The following CELF1 variants were observed in gnomAD, a reference collection of about 807,000 sequenced individuals.
CELF1 encodes the protein 50 kDa nuclear polyadenylated RNA-binding protein.
A neutral mutation model predicts 61.8 loss-of-function variants in CELF1; 10 were observed. The observed-to-expected ratio is 0.16, with a 90% CI of 0.10 to 0.27. The LOEUF (loss-of-function observed/expected upper bound fraction) is 0.27, where lower values mean the gene tolerates loss of function less well. Among genes scored for constraint, CELF1 ranks in the 10% least tolerant of loss-of-function variants. The pLI is 1.00. For synonymous variants in CELF1, 236 were observed against 225.1 expected, an observed-to-expected ratio of 1.05 and a Z score of -0.43; for missense variants, 380 against 639.1, an observed-to-expected ratio of 0.59 and a Z score of 4.37.
intron 1 of CELF1, among the ~76,000 whole-genome samples, chr11:47,530,825 T>C (rs1447800302): frequency 4.0e-5 from 6 of 150,092 alleles, no homozygotes; most frequent in Non-Finnish European, 1.5e-5. Flanking sequence ...CATGGTGGCA[T>C]GTGCCTGTAG....
At chr11:47,519,841 C>T (rs2095787981) in intron 1 of CELF1, among the ~76,000 whole-genome samples, 3 of 149,534 alleles carry the variant, frequency 2.0e-5, no homozygotes, top group South Asian at 2.1e-4. Flanking sequence ...CCAGCCTGGG[C>T]GACGGAGCCA....
intron 1 of CELF1, among the ~76,000 whole-genome samples, chr11:47,511,740 TCA>T (rs2095194179): frequency 6.6e-6 from 1 of 152,168 alleles, no homozygotes; most frequent in African/African-American, 2.4e-5. Flanking sequence ...TCCCTCAAGA[TCA>T]CAGAGATCCG....
chr11:47,535,894 C>T (rs2096617833), intron 1 of CELF1, among the ~76,000 whole-genome samples: 1 of 151,606 alleles, frequency 6.6e-6, no homozygotes, highest in South Asian at 2.1e-4. Context: ...TCCCAAGTAG[C>T]TGGGATTACA....
At chr11:47,495,761 A>G (rs1432141807) in intron 3 of CELF1, among the ~76,000 whole-genome samples, 1 of 152,198 alleles carries the variant, frequency 6.6e-6, no homozygotes, top group Non-Finnish European at 1.5e-5. Flanking sequence ...TGTCCTTATA[A>G]GAAAGCCCTT....
chr11:47,556,490 AT>A (rs1038866732), upstream of CELF1, among the ~76,000 whole-genome samples: 11 of 152,228 alleles, frequency 7.2e-5, no homozygotes, highest in Non-Finnish European at 1.0e-4. Context: ...TGACCATAAC[AT>A]TGTTTAAACA....
intron 4 of CELF1, among the ~76,000 whole-genome samples, chr11:47,488,132 T>C (rs2088805788): frequency 6.6e-6 from 1 of 152,222 alleles, no homozygotes; most frequent in Non-Finnish European, 1.5e-5. Flanking sequence ...TTGCTTACAT[T>C]TGCACTGTTG....
intron 1 of CELF1, among the ~76,000 whole-genome samples, chr11:47,530,786 C>A (rs1254758678): frequency 6.6e-6 from 1 of 152,024 alleles, no homozygotes; most frequent in African/African-American, 2.4e-5. Flanking sequence ...GGGACCCTGT[C>A]TCTACAAAAA....
At chr11:47,515,940 A>AGC (rs763565632) in intron 1 of CELF1, among the ~76,000 whole-genome samples, 4 of 151,998 alleles carry the variant, frequency 2.6e-5, no homozygotes, top group Non-Finnish European at 5.9e-5. Flanking sequence ...TTTTTTAGAT[A>AGC]GAGTCTTGCT....
intron 1 of CELF1, among the ~76,000 whole-genome samples, chr11:47,539,855 C>T (rs867494251): frequency 3.0e-4 from 46 of 152,282 alleles, no homozygotes; most frequent in African/African-American, 9.9e-4. Context: ...TCCCTCCCTA[C>T]GGAATGACCT....
At chr11:47,493,020 G>A in intron 3 of CELF1, among the ~76,000 whole-genome samples, 1 of 152,082 alleles carries the variant, frequency 6.6e-6, no homozygotes, top group Non-Finnish European at 1.5e-5. Context: ...CTGAACTTTT[G>A]CATCCTGTTT....
chr11:47,476,774 T>G, intron 12 of CELF1, 72 bp downstream of exon 12: 1 of 1,173,300 alleles, frequency 8.5e-7, no homozygotes, highest in Admixed American at 1.7e-5. Flanking sequence ...ATTCCAGTGG[T>G]GCCCCTACCA....
intron 2 of CELF1, among the ~76,000 whole-genome samples, chr11:47,558,533 ATTT>A: frequency 1.7e-5 from 2 of 120,160 alleles, no homozygotes; most frequent in African/African-American, 6.8e-5. Context: ...ATATGTATAT[ATTT>A]ATATATTTAT....
intron 7 of CELF1, among the ~76,000 whole-genome samples, chr11:47,484,166 C>A (rs905771450): frequency 6.6e-6 from 1 of 152,072 alleles, no homozygotes; most frequent in Non-Finnish European, 1.5e-5. Flanking sequence ...GACCTTTTCT[C>A]TATAAAAAAT....
chr11:47,525,525 G>A (rs1343735326), intron 1 of CELF1, among the ~76,000 whole-genome samples: 4 of 152,036 alleles, frequency 2.6e-5, no homozygotes, highest in Admixed American at 1.3e-4. Context: ...CTGCCCAGGC[G>A]GGTCTCAAAC....
intron 1 of CELF1, among the ~76,000 whole-genome samples, chr11:47,539,545 C>G (rs1452318328): frequency 6.6e-6 from 1 of 152,208 alleles, no homozygotes; most frequent in African/African-American, 2.4e-5. Flanking sequence ...GTAATCCCAG[C>G]TACTCTTCCA....
At chr11:47,501,671 A>G (rs1369136288) in intron 1 of CELF1, among the ~76,000 whole-genome samples, 1 of 152,026 alleles carries the variant, frequency 6.6e-6, no homozygotes, top group Non-Finnish European at 1.5e-5. Flanking sequence ...TCAAAAAAAA[A>G]AATTAGCTGG....
At position 47,564,791 on chromosome 11, in the gene CELF1, AAAAC is replaced by A. The variant is rs1001864637; in HGVS notation, c.-129-326_-129-323del. Among the ~76,000 whole-genome samples the A allele has an allele frequency of 9.8e-5, 15 of 152,348 alleles. No individual in the cohort carries two copies. In the East Asian group the frequency reaches 2.3e-3, roughly 23 times the overall value. ...GGGCAACAGAGTGAGACTCCGTCTC[AAAAC>A]AAACAAACAAAAAGTAAATAGCTGG... On this transcript the variant is annotated intron_variant, in intron 1 of 3. Transcript: ENST00000525841.
intron 1 of CELF1, among the ~76,000 whole-genome samples, chr11:47,535,246 T>G (rs2096598089): frequency 6.6e-6 from 1 of 152,048 alleles, no homozygotes; most frequent in South Asian, 2.1e-4. Flanking sequence ...ATAAATTCCA[T>G]TTAAATGTGT....
chr11:47,466,245 A>G lies in CELF1; in HGVS notation c.*5985T>C, dbSNP rs1002454451. 6.6e-6 allele frequency: 1 copy of G among 152,220 alleles called. No homozygotes were observed. Among genetic ancestry groups the G allele is most frequent in the African/African-American group, 2.4e-5 (1 of 41,452 alleles). The allele number at this position is 152,220 out of a possible 1,614,324, so 9.4% of individuals were successfully genotyped here. ...AAGTAAAATCCATAATTTTCTACAG[A>G]GTACAACACAAGTTCACACAAAAAA... On this transcript the variant is annotated 3_prime_UTR_variant, in exon 15 of 15. Transcript: ENST00000687097.
Sources: gnomAD v4.1 joint callset for allele counts (sites outside exome capture counted in the v4.1 genomes callset) on GRCh38, gnomAD v4.1.1 for gene constraint, MANE v1.5 for transcripts, NCBI Gene and HGNC (gene_info 2026-07-23, HGNC 2026-07-21) for gene names.